Variants in AIDA observed in about 807,000 individuals in gnomAD.
AIDA encodes the protein axin interactor, dorsalization associated.
A neutral mutation model predicts 42.7 loss-of-function variants in AIDA; 18 were observed. The observed-to-expected ratio is 0.42, with a 90% CI of 0.29 to 0.63. AIDA has a LOEUF of 0.63. AIDA is among the 20% of genes least tolerant of loss of function. AIDA has a pLI of 0.19. For missense variants in AIDA, 250 were observed against 354.1 expected, an observed-to-expected ratio of 0.71 and a Z score of 2.36; for synonymous variants, 104 against 122.9, an observed-to-expected ratio of 0.85 and a Z score of 1.02.
At chr1:222,682,083 T>C (rs934902998) in intron 6 of AIDA, among the ~76,000 whole-genome samples, 1 of 152,308 alleles carries the variant, frequency 6.6e-6, no homozygotes, top group Admixed American at 6.5e-5. Context: ...TGGAAGGGAC[T>C]TGAAGTCAGT....
chr1:222,697,477 TAAG>T (rs1655554652), intron 2 of AIDA, among the ~76,000 whole-genome samples: 1 of 151,320 alleles, frequency 6.6e-6, no homozygotes, highest in Admixed American at 6.6e-5. Flanking sequence ...GAAAAATGAT[TAAG>T]AAGCACAAGT....
At chr1:222,691,789 TAATAA>T (rs1655382246) in intron 4 of AIDA, among the ~76,000 whole-genome samples, 1 of 146,578 alleles carries the variant, frequency 6.8e-6, no homozygotes, top group African/African-American at 2.7e-5. Flanking sequence ...AATATTTTAA[TAATAA>T]AATGGGGGAA....
chr1:222,705,798 C>T (rs1655822850), intron 1 of AIDA, among the ~76,000 whole-genome samples: 1 of 151,968 alleles, frequency 6.6e-6, no homozygotes. Flanking sequence ...GCAGGAGAAT[C>T]GCTTGAACCC....
At chr1:222,697,530 G>A (rs1411627641) in intron 2 of AIDA, among the ~76,000 whole-genome samples, 3 of 151,310 alleles carry the variant, frequency 2.0e-5, no homozygotes, top group Non-Finnish European at 4.4e-5. Flanking sequence ...ATTAAGACTT[G>A]AATTATTAGC....
intron 2 of AIDA, 143 bp from the exon 3 acceptor site, chr1:222,694,406 TAG>T (rs1442802887): frequency 1.3e-6 from 1 of 756,672 alleles, no homozygotes; most frequent in African/African-American, 1.8e-5. Context: ...TTTCAGACTC[TAG>T]AGAAAAGAAA....
At chr1:222,703,896 T>C (rs767644987) in intron 1 of AIDA, among the ~76,000 whole-genome samples, 7 of 152,172 alleles carry the variant, frequency 4.6e-5, no homozygotes. Context: ...AAAAAACTTG[T>C]ATAGTTTAGT....
chr1:222,702,291 C>T (rs192582598), intron 2 of AIDA, among the ~76,000 whole-genome samples: 13 of 152,268 alleles, frequency 8.5e-5, no homozygotes, highest in Non-Finnish European at 1.2e-4. Flanking sequence ...TCCCTTTGTA[C>T]ATTCCCTTTG....
rs761299774 is a variant in AIDA at position 222,712,196 on chromosome 1, T to C, written c.110+12A>G. On this transcript the variant is annotated intron_variant, in intron 1 of 9. Transcript: ENST00000340020. ...GAGCCGGTCTGGCCTGCTCCCGCGG[T>C]TAGTCACTCACATCTGATACTCGTC... The C allele has an allele frequency of 4.1e-5, 66 of 1,594,048 alleles. No individual in the cohort carries two copies. Among genetic ancestry groups the C allele is most frequent in the Non-Finnish European group, 5.5e-5 (64 of 1,169,556 alleles).
intron 2 of AIDA, among the ~76,000 whole-genome samples, chr1:222,699,611 A>G (rs1220648000): frequency 1.3e-5 from 2 of 152,192 alleles, no homozygotes; most frequent in Admixed American, 1.3e-4. Context: ...TTCAGAACCA[A>G]TGTTCCCCAG....
chr1:222,694,330 T>C (rs946240090), intron 2 of AIDA, 67 bp from the exon 3 acceptor site: 14 of 1,253,494 alleles, frequency 1.1e-5, no homozygotes, highest in Non-Finnish European at 1.5e-5. Flanking sequence ...ATCATCAAGT[T>C]AATTTTTATT....
chr1:222,673,582 C>T (rs1374574923), intron 7 of AIDA, 147 bp from the exon 8 acceptor site: 2 of 492,466 alleles, frequency 4.1e-6, no homozygotes, highest in East Asian at 7.3e-5. Context: ...CAAGAACATC[C>T]TGGCTAACAT....
chr1:222,689,520 T>TATATATATATACATAC (rs765351898), intron 4 of AIDA, among the ~76,000 whole-genome samples: 5 of 58,108 alleles, frequency 8.6e-5, no homozygotes, highest in African/African-American at 1.1e-4. Flanking sequence ...TATATATATA[T>TATATATATATACATAC]ACACACATAC....
intron 6 of AIDA, among the ~76,000 whole-genome samples, chr1:222,676,750 G>A (rs986280231): frequency 1.1e-4 from 17 of 151,912 alleles, no homozygotes; most frequent in African/African-American, 3.4e-4. Context: ...CGACCTCCCA[G>A]GTTCAAGCGA....
At chr1:222,702,594 A>G (rs1270936637) in intron 2 of AIDA, among the ~76,000 whole-genome samples, 1 of 152,222 alleles carries the variant, frequency 6.6e-6, no homozygotes, top group Admixed American at 6.5e-5. Flanking sequence ...AACCTTACGC[A>G]TTTATTTTGC....
At chr1:222,710,178 T>C (rs571194010) in intron 1 of AIDA, among the ~76,000 whole-genome samples, 2 of 152,350 alleles carry the variant, frequency 1.3e-5, no homozygotes, top group African/African-American at 4.8e-5. Flanking sequence ...CATTCATTTC[T>C]GGATATATTA....
intron 1 of AIDA, among the ~76,000 whole-genome samples, chr1:222,704,082 A>C (rs1571942068): frequency 1.3e-5 from 2 of 152,332 alleles, no homozygotes; most frequent in East Asian, 1.9e-4. Flanking sequence ...ACAGATCAAA[A>C]TCACAATGAG....
At chr1:222,703,309 C>A in intron 1 of AIDA, 92 bp from the exon 2 acceptor site, 9 of 827,508 alleles carry the variant, frequency 1.1e-5, no homozygotes, top group Non-Finnish European at 1.3e-5. Context: ...ATGTGAAGTA[C>A]AATTATTGTC....
At chr1:222,692,847 A>C (rs752513579) in intron 4 of AIDA, among the ~76,000 whole-genome samples, 16 of 152,208 alleles carry the variant, frequency 1.1e-4, no homozygotes, top group Non-Finnish European at 1.8e-4. Flanking sequence ...GTGACTGAGG[A>C]TTATTATAAG....
intron 6 of AIDA, among the ~76,000 whole-genome samples, 189 bp downstream of exon 6, chr1:222,686,741 C>T (rs986858281): frequency 1.3e-5 from 2 of 151,944 alleles, no homozygotes; most frequent in African/African-American, 4.8e-5. Context: ...TCCTGAGGAC[C>T]CCTGACACAG....
Sources: allele counts gnomAD v4.1 joint callset (sites outside exome capture counted in the v4.1 genomes callset), GRCh38; gene constraint gnomAD v4.1.1; transcripts MANE v1.5; gene names NCBI Gene and HGNC (gene_info 2026-07-23, HGNC 2026-07-21).